Variants in UHRF2 observed in about 807,000 individuals in gnomAD.
UHRF2 encodes ubiquitin like with PHD and ring finger domains 2, also known as E3 ubiquitin-protein ligase UHRF2.
Under a neutral mutation model 96.8 loss-of-function variants are expected in UHRF2, and 23 were observed. The observed-to-expected ratio is 0.24, with a 90% CI of 0.17 to 0.34. UHRF2 has a LOEUF of 0.34. Ranked by LOEUF, UHRF2 falls within the 10% of genes least tolerant of loss-of-function variation. The pLI is 1.00. For missense variants in UHRF2, 685 were observed against 981.5 expected, an observed-to-expected ratio of 0.70 and a Z score of 4.04; for synonymous variants, 385 against 332.6, an observed-to-expected ratio of 1.16 and a Z score of -1.72.
chr9:6,414,921 T>G (rs1819503378), intron 1 of UHRF2, among the ~76,000 whole-genome samples: 1 of 152,238 alleles, frequency 6.6e-6, no homozygotes, highest in Admixed American at 6.5e-5. Flanking sequence ...AACAGGTATT[T>G]AGTTGTAAGC....
intron 1 of UHRF2, among the ~76,000 whole-genome samples, chr9:6,419,555 A>C (rs1819805745): frequency 6.6e-6 from 1 of 152,182 alleles, no homozygotes; most frequent in African/African-American, 2.4e-5. Context: ...AAAAAAGTGA[A>C]ACACTGAGCT....
At chr9:6,423,538 A>G (rs575444968) in intron 2 of UHRF2, among the ~76,000 whole-genome samples, 1 of 152,326 alleles carries the variant, frequency 6.6e-6, no homozygotes, top group South Asian at 2.1e-4. Flanking sequence ...CATTATTATA[A>G]AATGTTTCAA....
intron 6 of UHRF2, among the ~76,000 whole-genome samples, chr9:6,478,618 G>C (rs1223742470): frequency 2.0e-5 from 3 of 152,200 alleles, no homozygotes; most frequent in Non-Finnish European, 2.9e-5. Context: ...ACCATGTTAA[G>C]GAGGTTTTTT....
chr9:6,504,015 CT>C (rs35325264), intron 14 of UHRF2, among the ~76,000 whole-genome samples: 1,324 of 78,810 alleles, frequency 0.017, 9 homozygotes, highest in Non-Finnish European at 0.02. Context: ...AAATAGAAGA[CT>C]TTTTTTTTTT....
intron 14 of UHRF2, among the ~76,000 whole-genome samples, chr9:6,504,080 C>G (rs1314640490): frequency 7.6e-6 from 1 of 131,914 alleles, no homozygotes; most frequent in East Asian, 2.2e-4. Flanking sequence ...GGCTGGAGTG[C>G]AGTGGCGTGA....
intron 1 of UHRF2, among the ~76,000 whole-genome samples, chr9:6,419,955 C>A (rs1002217316): frequency 3.3e-5 from 5 of 152,040 alleles, no homozygotes; most frequent in Non-Finnish European, 7.4e-5. Context: ...GATGGGGTTA[C>A]CCATACTGGT....
At chr9:6,421,412 G>A (rs1248842728) in intron 2 of UHRF2, among the ~76,000 whole-genome samples, 1 of 151,904 alleles carries the variant, frequency 6.6e-6, no homozygotes, top group Non-Finnish European at 1.5e-5. Context: ...AATACTTTTT[G>A]TTTGTTTGTT....
chr9:6,428,434 C>T (rs1820376603), intron 2 of UHRF2, among the ~76,000 whole-genome samples: 1 of 150,634 alleles, frequency 6.6e-6, no homozygotes, highest in African/African-American at 2.4e-5. Flanking sequence ...TAATATTAAC[C>T]TTTAACAACC....
intron 3 of UHRF2, among the ~76,000 whole-genome samples, chr9:6,451,520 A>T (rs553575751): frequency 6.7e-6 from 1 of 149,542 alleles, no homozygotes; most frequent in East Asian, 2.0e-4. Flanking sequence ...GCTGTCGCCC[A>T]GGTTGGAGTG....
chr9:6,470,084 T>C (rs1328150033), intron 4 of UHRF2, among the ~76,000 whole-genome samples: 1 of 152,088 alleles, frequency 6.6e-6, no homozygotes, highest in Non-Finnish European at 1.5e-5. Flanking sequence ...TTTAAAAACA[T>C]TCCCAGCTGG....
At chr9:6,476,093 C>T (rs1456467196) in intron 5 of UHRF2, among the ~76,000 whole-genome samples, 1 of 152,144 alleles carries the variant, frequency 6.6e-6, no homozygotes, top group East Asian at 1.9e-4. Context: ...TGCACAAGAT[C>T]AATTTTTTTT....
At chr9:6,481,857 C>G (rs1477200944) in intron 7 of UHRF2, 91 bp downstream of exon 7, 2 of 1,539,616 alleles carry the variant, frequency 1.3e-6, no homozygotes, top group Non-Finnish European at 1.8e-6. Flanking sequence ...AAAGATTAAA[C>G]AGTATCATTA....
intron 3 of UHRF2, among the ~76,000 whole-genome samples, chr9:6,443,080 C>A (rs952543610): frequency 1.3e-5 from 2 of 152,052 alleles, no homozygotes; most frequent in Non-Finnish European, 2.9e-5. Flanking sequence ...GTAGTTTGAA[C>A]AAGGAAGTGT....
In UHRF2 at chr9:6,489,767, T is replaced by C. The variant is rs1014037869; in HGVS notation, c.1497+2842T>C. ...TTTTTACCATTCATCAGATATGTGG[T>C]CTTCAGGTATTTACTTGCTTTCATG... On this transcript the variant is annotated intron_variant, in intron 9 of 15. Coordinates refer to ENST00000276893, the MANE Select transcript of UHRF2 (RefSeq NM_152896.3). Among the ~76,000 whole-genome samples the C allele has an allele frequency of 6.0e-5, 9 of 151,190 alleles. 1 individual carries two copies. Among genetic ancestry groups the C allele is most frequent in the South Asian group, 2.1e-4 (1 of 4,772 alleles).
chr9:6,495,431 T>G (rs951111234), intron 10 of UHRF2: 1 of 152,238 alleles, frequency 6.6e-6, no homozygotes, highest in Admixed American at 6.5e-5. Flanking sequence ...TACCTGTATG[T>G]CTTACAAACA....
At chr9:6,448,933 G>A (rs1040899897) in intron 3 of UHRF2, among the ~76,000 whole-genome samples, 1 of 152,134 alleles carries the variant, frequency 6.6e-6, no homozygotes, top group African/African-American at 2.4e-5. Context: ...GTTTATTACG[G>A]AAATCTTTAA....
intron 6 of UHRF2, among the ~76,000 whole-genome samples, chr9:6,478,521 T>C (rs201514730): frequency 2.6e-5 from 4 of 152,218 alleles, no homozygotes; most frequent in Non-Finnish European, 5.9e-5. Context: ...CAAAATCTAT[T>C]TTTCTCCTAT....
At chr9:6,502,448 T>G (rs1323018917) in intron 14 of UHRF2, among the ~76,000 whole-genome samples, 1 of 152,178 alleles carries the variant, frequency 6.6e-6, no homozygotes, top group East Asian at 1.9e-4. Flanking sequence ...TGGCAACTCT[T>G]TAAAATTTAG....
chr9:6,439,534 A>G (rs1448846975), intron 3 of UHRF2, among the ~76,000 whole-genome samples: 2 of 152,226 alleles, frequency 1.3e-5, no homozygotes, highest in African/African-American at 2.4e-5. Flanking sequence ...CTTTATGCAG[A>G]TAGTGCAAAG....
Sources: gnomAD v4.1 joint callset for allele counts (sites outside exome capture counted in the v4.1 genomes callset) on GRCh38, gnomAD v4.1.1 for gene constraint, MANE v1.5 for transcripts, NCBI Gene and HGNC (gene_info 2026-07-23, HGNC 2026-07-21) for gene names.